RABGGTB: variants seen among roughly 807,000 people sequenced by gnomAD.
The protein encoded by RABGGTB is geranylgeranyl transferase type-2 subunit beta.
A neutral mutation model predicts 44.5 loss-of-function variants in RABGGTB; 20 were observed. The ratio of observed to expected loss-of-function variants is 0.45; its 90% CI spans 0.32 to 0.65. RABGGTB has a LOEUF of 0.65. Ranked by LOEUF, RABGGTB falls within the 30% of genes least tolerant of loss-of-function variation. The pLI is 0.05. For synonymous variants in RABGGTB, 128 were observed against 136.7 expected (o/e 0.94, Z 0.44); for missense variants, 302 against 398.7 (o/e 0.76, Z 2.06).
chr1:75,787,867 T>C (rs1482756938), intron 2 of RABGGTB: 2 of 663,910 alleles, frequency 3.0e-6, no homozygotes, highest in Non-Finnish European at 5.6e-6. Flanking sequence ...TCTCTTTTTG[T>C]AGTTAGGGGT....
intron 2 of RABGGTB, chr1:75,788,093 T>A: frequency 2.9e-6 from 1 of 350,086 alleles, no homozygotes. Flanking sequence ...AACTCAGTTG[T>A]CTTAGTCTAC....
In RABGGTB at chr1:75,787,595, AGAT is replaced by A. The variant is rs1649530556; in HGVS notation, c.106_108del (p.Asp36del). 1.2e-6 allele frequency: 2 copies of A among 1,609,462 alleles called. No individual in the cohort carries two copies. Among genetic ancestry groups the A allele is most frequent in the Non-Finnish European group, 1.7e-6 (2 of 1,175,806 alleles). On this transcript the variant is annotated inframe_deletion, in exon 2 of 9. Transcript: ENST00000319942. ...ATATCGCATCCTATGGCTCAAAGAA[AGAT>A]GATTATGTATGTATAATTTTTTTAT...
At chr1:75,794,339 GT>G (rs200600135) in intron 8 of RABGGTB, 106 bp downstream of exon 8, 26 of 1,366,308 alleles carry the variant, frequency 1.9e-5, no homozygotes, top group South Asian at 3.0e-5. Flanking sequence ...TTTGAAAGCA[GT>G]TTTTTTTTCT....
chr1:75,787,103 C>G, intron 1 of RABGGTB: 1 of 529,042 alleles, frequency 1.9e-6, no homozygotes, highest in Non-Finnish European at 3.7e-6. Flanking sequence ...TATTCTGAAT[C>G]TAAAGTTGAT....
chr1:75,790,733 C>T (rs1649626306), intron 4 of RABGGTB, among the ~76,000 whole-genome samples: 1 of 152,098 alleles, frequency 6.6e-6, no homozygotes, highest in Non-Finnish European at 1.5e-5. Context: ...GGCTGGAGTG[C>T]AGTGGTGCAA....
intron 1 of RABGGTB, chr1:75,786,705 G>T: frequency 3.6e-6 from 1 of 275,608 alleles, no homozygotes; most frequent in Non-Finnish European, 7.0e-6. Flanking sequence ...TATAGTGACT[G>T]CAGTGTACTC....
chr1:75,787,133 G>C (rs1488078239), intron 1 of RABGGTB: 3 of 549,798 alleles, frequency 5.5e-6, no homozygotes, highest in East Asian at 4.8e-5. Context: ...TTTAGCTCTA[G>C]AATTACTCTG....
In RABGGTB at chr1:75,791,270, C is replaced by CT. The variant is rs1197817002; in HGVS notation, c.416-14dup. On this transcript the variant is annotated splice_polypyrimidine_tract_variant and intron_variant, in intron 4 of 8. Transcript: ENST00000319942. ...TTGGTAACACCTGCCTTGATTTGATCTATTTTTATTGTAGGAGAAATTGAC... is the reference window on the plus strand; with the variant it reads ...TTGGTAACACCTGCCTTGATTTGATCTTATTTTTATTGTAGGAGAAATTGAC... 1.2e-6 allele frequency: 2 copies of CT among 1,601,168 alleles called. No individual in the cohort carries two copies. Among genetic ancestry groups the CT allele is most frequent in the Non-Finnish European group, 1.7e-6 (2 of 1,168,450 alleles).
chr1:75,793,954 C>A, intron 7 of RABGGTB, 130 bp from the exon 8 acceptor site: 6 of 899,210 alleles, frequency 6.7e-6, no homozygotes, highest in Middle Eastern at 3.5e-4. Flanking sequence ...CCCTGGATTT[C>A]GTCCTTCCAC....
chr1:75,787,865 T>A, intron 2 of RABGGTB: 1 of 671,932 alleles, frequency 1.5e-6, no homozygotes, highest in South Asian at 1.4e-5. Context: ...TTTCTCTTTT[T>A]GTAGTTAGGG....
intron 4 of RABGGTB, chr1:75,790,329 C>G: frequency 8.1e-7 from 1 of 1,233,664 alleles, no homozygotes; most frequent in South Asian, 3.9e-5. Flanking sequence ...TTTTTAAAAA[C>G]TACTTGCTGG....
rs549019085 is a variant in RABGGTB at position 75,789,143 on chromosome 1, T to TTG, written c.112-12_112-11dup. 1.5e-4 allele frequency: 234 copies of TTG among 1,606,656 alleles called. No individual in the cohort carries two copies. The African/African-American group carries it at 2.7e-3, about 19-fold the overall frequency. ...CAGTTCAAATGACAGATTTAAGAAATTGTGTATTATTTTAGGAATACTGTA... is the reference window on the plus strand; with the variant it reads ...CAGTTCAAATGACAGATTTAAGAAATTGTGTGTATTATTTTAGGAATACTGTA... On this transcript the variant is annotated splice_polypyrimidine_tract_variant and intron_variant, in intron 2 of 8. Transcript: ENST00000319942.
chr1:75,791,597 G>C (rs779860208), intron 6 of RABGGTB, 26 bp downstream of exon 6: 4 of 1,553,732 alleles, frequency 2.6e-6, no homozygotes, highest in Non-Finnish European at 3.5e-6. Context: ...AGATGAAAAT[G>C]TATTGTCATT....
rs757399379 is a variant in RABGGTB at position 75,792,227 on chromosome 1, A to G, written c.626A>G (p.Gln209Arg). 1.2e-6 allele frequency: 2 copies of G among 1,613,966 alleles called. No homozygotes were observed. Among genetic ancestry groups the G allele is most frequent in the Admixed American group, 3.3e-5 (2 of 60,016 alleles). The change falls in exon 7 of 9, where the codon CAA (glutamine) becomes CGA (arginine). Residue 209 changes from glutamine to arginine, a missense_variant. This residue lies in a region of RABGGTB where 213 missense variants were observed against 323.7 expected (regional missense o/e 0.66). Coordinates refer to ENST00000319942, the MANE Select transcript of RABGGTB (RefSeq NM_004582.4). ...CTGGCAATTACAAGTCAGTTGCATC[A>G]AGTAAATTCTGATTTACTTGGCTGG... The part of the protein sequence containing the change: ...GFLAITSQLH[Q>R]VNSDLLGWWL...
In RABGGTB at chr1:75,794,235, C is replaced by T. The variant is rs1198057434; in HGVS notation, c.855+2C>T. 5.6e-6 allele frequency: 9 copies of T among 1,598,622 alleles called. No homozygotes were observed. Among genetic ancestry groups the T allele is most frequent in the Middle Eastern group, 1.7e-4 (1 of 5,992 alleles). ...TTTGCAGACAGGCCAGGAGATATGG[C>T]AAGTAATATTTCTGACATATTTCTA... On this transcript the variant is annotated splice_donor_variant, in intron 8 of 8. Coordinates refer to ENST00000319942, the MANE Select transcript of RABGGTB (RefSeq NM_004582.4). LOFTEE classifies it low-confidence loss of function (GC_TO_GT_DONOR).
intron 1 of RABGGTB, chr1:75,786,767 A>G: frequency 3.4e-6 from 1 of 293,876 alleles, no homozygotes; most frequent in Non-Finnish European, 6.6e-6. Flanking sequence ...TCACATGGGG[A>G]CTTCTGCAAA....
In RABGGTB at chr1:75,794,724, C is replaced by A; in HGVS notation, c.*74C>A. ...TCTGTATTTGAAGTGCTTATCGAAT[C>A]TAAAAGTGACTACTGTTAATATTTT... On this transcript the variant is annotated 3_prime_UTR_variant, in exon 9 of 9. Transcript: ENST00000319942. 1 of 1,196,188 alleles carries A rather than the reference C, an allele frequency of 8.4e-7. No homozygotes were observed. Among genetic ancestry groups the A allele is most frequent in the Non-Finnish European group, 1.1e-6 (1 of 890,762 alleles). The allele number at this position is 1,196,188 out of a possible 1,614,324, so 74.1% of individuals were successfully genotyped here.
intron 6 of RABGGTB, 35 bp from the exon 7 acceptor site, chr1:75,792,146 T>A: frequency 1.3e-6 from 2 of 1,547,900 alleles, no homozygotes; most frequent in Admixed American, 3.4e-5. Context: ...GTCAAGAAAT[T>A]ATTATACACA....
At position 75,789,206 on chromosome 1, in the gene RABGGTB, T is replaced by C. The variant is rs369023722; in HGVS notation, c.159T>C (p.Gly53=). 2 of 1,614,048 alleles carry C rather than the reference T, an allele frequency of 1.2e-6. No individual in the cohort carries two copies. The highest frequency in any genetic ancestry group is 2.2e-5 in the South Asian group (2 of 91,082). The change falls in exon 3 of 9, where the codon GGT becomes GGC. Residue 53 remains glycine, a synonymous_variant. Transcript: ENST00000319942. ...TGAGAATGAGTGGCATCTATTGGGG[T>C]CTGACAGTAATGGATCTCATGGGAC... is the stretch of plus-strand genomic sequence containing the variant. The part of the protein sequence containing the change: ...EYLRMSGIYW[G]LTVMDLMGQL...
Sources: allele counts gnomAD v4.1 joint callset (sites outside exome capture counted in the v4.1 genomes callset), GRCh38; gene constraint gnomAD v4.1.1; regional missense constraint gnomAD v4.1.1; transcripts MANE v1.5; gene names NCBI Gene and HGNC (gene_info 2026-07-23, HGNC 2026-07-21).